The following TRAPPC3L variants were observed in gnomAD, a reference collection of about 807,000 sequenced individuals.
TRAPPC3L encodes the protein trafficking protein particle complex subunit 3L.
In TRAPPC3L, 23 loss-of-function variants were observed where a neutral mutation model predicts 23.7. That is an observed-to-expected ratio of 0.97 (90% CI 0.70 to 1.37). The LOEUF (loss-of-function observed/expected upper bound fraction) is 1.37, where lower values mean the gene tolerates loss of function less well. Ranked by LOEUF, TRAPPC3L falls within the 40% of genes most tolerant of loss-of-function variation. The probability of loss-of-function intolerance (pLI) is 0.00; values close to 1 mark genes in which losing one functional copy is unlikely to be tolerated. For missense variants in TRAPPC3L, 212 were observed against 216.8 expected (o/e 0.98, Z 0.14); for synonymous variants, 81 against 77.9 (o/e 1.04, Z -0.21).
intron 3 of TRAPPC3L, among the ~76,000 whole-genome samples, chr6:116,526,121 G>A (rs1772435444): frequency 6.6e-6 from 1 of 152,150 alleles, no homozygotes; most frequent in Admixed American, 6.5e-5. Flanking sequence ...TTTGAGAAAT[G>A]TCCTCAAAAA....
intron 3 of TRAPPC3L, among the ~76,000 whole-genome samples, chr6:116,532,688 C>T (rs1772816966): frequency 6.6e-6 from 1 of 152,174 alleles, no homozygotes; most frequent in Non-Finnish European, 1.5e-5. Flanking sequence ...TAGACTGGAA[C>T]TATGTACAAA....
intron 3 of TRAPPC3L, among the ~76,000 whole-genome samples, chr6:116,528,092 G>A (rs1189086282): frequency 1.3e-5 from 2 of 152,184 alleles, no homozygotes; most frequent in African/African-American, 4.8e-5. Context: ...AAGGTGAGAG[G>A]CAGTGCTAAG....
intron 1 of TRAPPC3L, among the ~76,000 whole-genome samples, chr6:116,545,100 TAC>T (rs1043968867): frequency 6.6e-6 from 1 of 150,614 alleles, no homozygotes; most frequent in East Asian, 1.9e-4. Context: ...ACTATATATA[TAC>T]ACACATATAT....
chr6:116,525,428 A>T (rs73769116), intron 3 of TRAPPC3L, among the ~76,000 whole-genome samples: 6,927 of 152,146 alleles, frequency 0.046, 436 homozygotes, highest in African/African-American at 0.15. Flanking sequence ...TTATTTTTTT[A>T]AAAATTTCCT....
intron 3 of TRAPPC3L, chr6:116,511,952 A>G: frequency 1.2e-6 from 2 of 1,614,020 alleles, no homozygotes; most frequent in Non-Finnish European, 1.7e-6. Context: ...GAATCCCAGG[A>G]AAATCTTTCC....
intron 3 of TRAPPC3L, among the ~76,000 whole-genome samples, chr6:116,515,327 G>A (rs564780107): frequency 1.1e-3 from 163 of 152,220 alleles, no homozygotes; most frequent in African/African-American, 3.8e-3. Context: ...TCTATACTTT[G>A]TACTCTTTTC....
At chr6:116,512,470 G>T in intron 3 of TRAPPC3L, 1 of 507,348 alleles carries the variant, frequency 2.0e-6, no homozygotes, top group South Asian at 3.1e-5. Context: ...AATATCCACT[G>T]GATTGTCCAC....
intron 2 of TRAPPC3L, among the ~76,000 whole-genome samples, chr6:116,541,098 G>A (rs146391053): frequency 4.9e-4 from 75 of 152,166 alleles, no homozygotes; most frequent in African/African-American, 1.8e-3. Context: ...TCTCCACCCC[G>A]AGAAAATAGC....
At position 116,517,417 on chromosome 6, in the gene TRAPPC3L, A is replaced by G. The variant is rs145355331; in HGVS notation, c.241-16751T>C. The G allele has an allele frequency of 2.0e-3, 311 of 152,300 alleles. 1 individual carries two copies. Among genetic ancestry groups the G allele is most frequent in the African/African-American group, 6.8e-3 (282 of 41,574 alleles). 9.4% of individuals were successfully genotyped at this position (152,300 alleles called of 1,614,324 possible). On this transcript the variant is annotated intron_variant, in intron 3 of 4. Coordinates refer to ENST00000368602, the MANE Select transcript of TRAPPC3L (RefSeq NM_001139444.3). ...TATATGTGTATGTATATATGTACAT[A>G]AATTCTCCTTAAATCTCTGAGAAGA... is the stretch of plus-strand genomic sequence containing the variant.
At chr6:116,510,991 T>C (rs868215836) in intron 3 of TRAPPC3L, among the ~76,000 whole-genome samples, 2 of 151,414 alleles carry the variant, frequency 1.3e-5, no homozygotes, top group Middle Eastern at 3.2e-3. Flanking sequence ...AGTGGTATAA[T>C]GGACTTTGGA....
At chr6:116,505,886 T>C (rs1261214767) in intron 3 of TRAPPC3L, among the ~76,000 whole-genome samples, 1 of 152,180 alleles carries the variant, frequency 6.6e-6, no homozygotes, top group Non-Finnish European at 1.5e-5. Flanking sequence ...ATTAAAGACT[T>C]AAATGTAAAA....
At chr6:116,498,849 C>T (rs1296227521) in intron 4 of TRAPPC3L, among the ~76,000 whole-genome samples, 1 of 152,108 alleles carries the variant, frequency 6.6e-6, no homozygotes, top group Admixed American at 6.5e-5. Context: ...CCTTTTCAGC[C>T]TTTGTGCCCT....
chr6:116,545,421 A>AAGT, intron 1 of TRAPPC3L, 52 bp downstream of exon 1: 1 of 1,471,546 alleles, frequency 6.8e-7, no homozygotes, highest in Non-Finnish European at 9.2e-7. Flanking sequence ...GAAATCACTC[A>AAGT]AGAAAACATT....
In TRAPPC3L at chr6:116,516,138, C is replaced by T. The variant is rs144124810; in HGVS notation, c.241-15472G>A. ...TAACACAAAGGAAACTGCTTTGAAG[C>T]TCTCAAGTGGAACATCAGGATGTGC... On this transcript the variant is annotated intron_variant, in intron 3 of 4. Transcript: ENST00000368602. 9 of 1,065,464 alleles carry T rather than the reference C, an allele frequency of 8.4e-6. No homozygotes were observed. In the East Asian group the frequency reaches 2.1e-4, roughly 25 times the overall value. 66.0% of individuals were successfully genotyped at this position (1,065,464 alleles called of 1,614,324 possible). A position where few individuals can be genotyped will look rare whatever the true frequency, so the allele number is the denominator to read the frequency against.
chr6:116,545,120 TACATACATATATATAC>T (rs1400768049), intron 1 of TRAPPC3L, among the ~76,000 whole-genome samples: 1 of 149,686 alleles, frequency 6.7e-6, no homozygotes, highest in Admixed American at 6.7e-5. Flanking sequence ...TATATATACA[TACATACATATATATAC>T]ATATACATAT....
At chr6:116,504,862 G>A (rs368764586) in intron 3 of TRAPPC3L, among the ~76,000 whole-genome samples, 3 of 152,268 alleles carry the variant, frequency 2.0e-5, no homozygotes, top group East Asian at 3.9e-4. Flanking sequence ...TTGATGGAAT[G>A]TATCTCAAAA....
Position 116,506,587 on chromosome 6 carries a change from C to G in TRAPPC3L, c.241-5921G>C, listed in dbSNP as rs146583812. Among the ~76,000 whole-genome samples, 508 of 152,288 alleles carry G rather than the reference C, an allele frequency of 3.3e-3. 17 individuals are homozygous for G. In the East Asian group the frequency reaches 0.082, roughly 24 times the overall value. On this transcript the variant is annotated intron_variant, in intron 3 of 4. Coordinates refer to ENST00000368602, the MANE Select transcript of TRAPPC3L (RefSeq NM_001139444.3). ...CATGTATGTTTATTATGGCACTATT[C>G]ACAATAGCAAAGACTTGGAACCAAC...
At chr6:116,540,599 C>CT in intron 2 of TRAPPC3L, 137 bp from the exon 3 acceptor site, 1 of 826,702 alleles carries the variant, frequency 1.2e-6, no homozygotes, top group Non-Finnish European at 1.9e-6. Flanking sequence ...AGTCAAATGG[C>CT]TTTTGGCTGT....
At chr6:116,500,025 C>A (rs549467845) in intron 4 of TRAPPC3L, among the ~76,000 whole-genome samples, 7 of 152,336 alleles carry the variant, frequency 4.6e-5, no homozygotes, top group Admixed American at 4.6e-4. Context: ...TCAGGTAGCA[C>A]CCTCCTACAT....
Sources: gnomAD v4.1 joint callset for allele counts (sites outside exome capture counted in the v4.1 genomes callset) on GRCh38, gnomAD v4.1.1 for gene constraint, MANE v1.5 for transcripts, NCBI Gene and HGNC (gene_info 2026-07-23, HGNC 2026-07-21) for gene names.